The following JPT2 variants were observed in gnomAD, a reference collection of about 807,000 sequenced individuals.
JPT2 encodes the protein Jupiter microtubule associated homolog 2.
In JPT2, 9 loss-of-function variants were observed where a neutral mutation model predicts 15.9. The observed-to-expected ratio is 0.57, with a 90% CI of 0.34 to 0.99. The LOEUF (loss-of-function observed/expected upper bound fraction) is 0.99. Ranked by LOEUF, JPT2 falls within the 50% of genes least tolerant of loss-of-function variation. JPT2 has a pLI of 0.02. For missense variants in JPT2, 267 were observed against 252.1 expected, an observed-to-expected ratio of 1.06 and a Z score of -0.40; for synonymous variants, 95 against 91.7, an observed-to-expected ratio of 1.04 and a Z score of -0.21.
chr16:1,682,172 T>G (rs1203671899), intron 1 of JPT2, among the ~76,000 whole-genome samples: 1 of 151,420 alleles, frequency 6.6e-6, no homozygotes, highest in Non-Finnish European at 1.5e-5. Context: ...GGTCAGGAGT[T>G]TGAGACCAGC....
chr16:1,682,926 C>T (rs929088095), intron 1 of JPT2, among the ~76,000 whole-genome samples: 5 of 152,146 alleles, frequency 3.3e-5, no homozygotes, highest in African/African-American at 9.7e-5. Flanking sequence ...CCTTAGCCTC[C>T]CGAATAACTG....
intron 2 of JPT2, among the ~76,000 whole-genome samples, chr16:1,691,329 T>G (rs942051081): frequency 6.6e-6 from 1 of 152,204 alleles, no homozygotes; most frequent in African/African-American, 2.4e-5. Flanking sequence ...TGCTGACATA[T>G]CTAGTCACTG....
At chr16:1,684,887 G>A (rs1170061953) in intron 1 of JPT2, among the ~76,000 whole-genome samples, 2 of 151,038 alleles carry the variant, frequency 1.3e-5, no homozygotes, top group Non-Finnish European at 2.9e-5. Flanking sequence ...CTCCAGCCTG[G>A]GCGACAGAGC....
Position 1,699,103 on chromosome 16 carries a change from T to A in JPT2, c.*105T>A, listed in dbSNP as rs1198237307. On this transcript the variant is annotated 3_prime_UTR_variant, in exon 5 of 5. Coordinates refer to ENST00000248098, the MANE Select transcript of JPT2 (RefSeq NM_144570.3). ...ATGAGCGGGGTGGGAAGAGGGTTAG[T>A]CTTATGTGAGCCTGGCTGCTCAGCG... The A allele has an allele frequency of 8.2e-7, 1 of 1,214,976 alleles. No homozygotes were observed. Among genetic ancestry groups the A allele is most frequent in the Non-Finnish European group, 1.2e-6 (1 of 834,330 alleles). 75.3% of individuals were successfully genotyped at this position (1,214,976 alleles called of 1,614,324 possible). A position where few individuals can be genotyped will look rare whatever the true frequency, so the allele number is the denominator to read the frequency against.
chr16:1,702,463 G>A (rs374860937), downstream of JPT2, among the ~76,000 whole-genome samples: 4 of 152,250 alleles, frequency 2.6e-5, no homozygotes, highest in East Asian at 3.8e-4. Context: ...CTAGAAGGAC[G>A]CGGGTGCCAC....
chr16:1,691,698 C>A, intron 2 of JPT2, 145 bp from the exon 3 acceptor site: 1 of 930,926 alleles, frequency 1.1e-6, no homozygotes, highest in Non-Finnish European at 1.6e-6. Context: ...GGGTTTCAGT[C>A]TGAGCATCCT....
chr16:1,684,177 G>A (rs2037046406), intron 1 of JPT2, among the ~76,000 whole-genome samples: 1 of 152,182 alleles, frequency 6.6e-6, no homozygotes, highest in African/African-American at 2.4e-5. Flanking sequence ...TTGAATCCAT[G>A]GAAGCAGAGC....
At chr16:1,702,462 C>T (rs373353948), downstream of JPT2, among the ~76,000 whole-genome samples, 11 of 152,250 alleles carry the variant, frequency 7.2e-5, no homozygotes, top group East Asian at 1.9e-4. Flanking sequence ...TCTAGAAGGA[C>T]GCGGGTGCCA....
At chr16:1,692,210 C>A in intron 3 of JPT2, 1 of 601,022 alleles carries the variant, frequency 1.7e-6, no homozygotes. Context: ...CTCTTCTGTG[C>A]TGGTGGCGGA....
chr16:1,697,831 AAGG>A lies in JPT2; in HGVS notation c.359_361del (p.Gly120del). 1.2e-6 allele frequency: 2 copies of A among 1,613,960 alleles called. No homozygotes were observed. The highest frequency in any genetic ancestry group is 1.1e-5 in the South Asian group (1 of 91,044). The stretch of plus-strand genomic sequence containing the variant: ...TTGCAGGATCATGTTTTCTTATGTG[AAGG>A]AGAAGAACCAAAATCGGATCTTAAA... On this transcript the variant is annotated inframe_deletion, in exon 4 of 5. Transcript: ENST00000248098.
In JPT2 at chr16:1,700,877, AAAGCTCTTT is replaced by A. The variant is rs1384040453; in HGVS notation, c.*1881_*1889del. 2.0e-5 allele frequency: 3 copies of A among 152,248 alleles called. No individual in the cohort carries two copies. The highest frequency in any genetic ancestry group is 2.0e-4 in the Admixed American group (3 of 15,278). The allele number at this position is 152,248 out of a possible 1,614,324, so 9.4% of individuals were successfully genotyped here. A position where few individuals can be genotyped will look rare whatever the true frequency, so the allele number is the denominator to read the frequency against. On this transcript the variant is annotated 3_prime_UTR_variant, in exon 5 of 5. Coordinates refer to ENST00000248098, the MANE Select transcript of JPT2 (RefSeq NM_144570.3). ...CCTTGCAGTCCGCTAGGTGAGAGGAAAAGCTCTTTACTTCCGCCCCTGGCAGGGACTTCT... is the reference window on the plus strand; with the variant it reads ...CCTTGCAGTCCGCTAGGTGAGAGGAAACTTCCGCCCCTGGCAGGGACTTCT...
At chr16:1,681,637 C>T (rs17648877) in intron 1 of JPT2, among the ~76,000 whole-genome samples, 2,104 of 152,276 alleles carry the variant, frequency 0.014, 29 homozygotes, top group South Asian at 0.039. Context: ...ACTGAAACCA[C>T]CTGTGCAGAG....
At chr16:1,697,402 A>G (rs1475504108) in intron 3 of JPT2, among the ~76,000 whole-genome samples, 3 of 151,648 alleles carry the variant, frequency 2.0e-5, no homozygotes, top group Non-Finnish European at 4.4e-5. Context: ...AGTCCCCACT[A>G]CTCGGGAGGC....
chr16:1,696,387 G>C lies in JPT2; in HGVS notation c.337-1425G>C, dbSNP rs372692937. The stretch of plus-strand genomic sequence containing the variant: ...CTCTACTAAAAATACAAAAAAAGTA[G>C]CTGGGCGCCTGTACTCCCAGCTACT... On this transcript the variant is annotated intron_variant, in intron 3 of 4. Transcript: ENST00000248098. Among the ~76,000 whole-genome samples, 15 of 152,098 alleles carry C rather than the reference G, an allele frequency of 9.9e-5. No homozygotes were observed. The South Asian group carries it at 3.1e-3, about 32-fold the overall frequency.
In JPT2 at chr16:1,700,549, C is replaced by A; in HGVS notation, c.*1551C>A. 1.4e-4 allele frequency: 26 copies of A among 186,850 alleles called. No homozygotes were observed. Among genetic ancestry groups the A allele is most frequent in the East Asian group, 4.5e-4 (4 of 8,816 alleles). The allele number at this position is 186,850 out of a possible 1,614,324, so 11.6% of individuals were successfully genotyped here. On this transcript the variant is annotated 3_prime_UTR_variant, in exon 5 of 5. Transcript: ENST00000248098. ...GTGCCTGCAGGAGCCGCCTGCCAAGCTCCCCTTCCTACACCTGGCACACTG... is the reference window on the plus strand; with the variant it reads ...GTGCCTGCAGGAGCCGCCTGCCAAGATCCCCTTCCTACACCTGGCACACTG...
intron 3 of JPT2, among the ~76,000 whole-genome samples, chr16:1,697,060 A>AT (rs2037147165): frequency 6.6e-6 from 1 of 152,378 alleles, no homozygotes; most frequent in South Asian, 2.1e-4. Context: ...TCATTTGTCC[A>AT]TCAACAGATG....
Position 1,697,684 on chromosome 16 carries a change from G to T in JPT2, c.337-128G>T, listed in dbSNP as rs1021282156. On this transcript the variant is annotated intron_variant, in intron 3 of 4. Coordinates refer to ENST00000248098, the MANE Select transcript of JPT2 (RefSeq NM_144570.3). ...GAATAGTCTGTAGAGGATTGGGGGG[G>T]TCCTGAGGTCAGATATACAAGCATT... 6.6e-6 allele frequency: 5 copies of T among 760,494 alleles called. No individual in the cohort carries two copies. The South Asian group carries it at 6.7e-5, about 10-fold the overall frequency. 47.1% of individuals were successfully genotyped at this position (760,494 alleles called of 1,614,324 possible).
At position 1,699,322 on chromosome 16, in the gene JPT2, T is replaced by C. The variant is rs775673466; in HGVS notation, c.*324T>C. On this transcript the variant is annotated 3_prime_UTR_variant, in exon 5 of 5. Transcript: ENST00000248098. ...TTGGATCAACAGCCCGCCAGCTGAT[T>C]GGATGTCTAGGAATGACTGAAAGAA... The C allele has an allele frequency of 9.3e-6, 5 of 537,450 alleles. No homozygotes were observed. The East Asian group carries it at 2.3e-4, about 25-fold the overall frequency. 33.3% of individuals were successfully genotyped at this position (537,450 alleles called of 1,614,324 possible). A position where few individuals can be genotyped will look rare whatever the true frequency, so the allele number is the denominator to read the frequency against.
chr16:1,694,210 AGTGGC>A (rs2037124842), intron 3 of JPT2, among the ~76,000 whole-genome samples: 3 of 152,258 alleles, frequency 2.0e-5, no homozygotes, highest in Admixed American at 2.0e-4. Flanking sequence ...AATGTTCATC[AGTGGC>A]CGTTAACATC....
Sources: gnomAD v4.1 joint callset for allele counts (sites outside exome capture counted in the v4.1 genomes callset) on GRCh38, gnomAD v4.1.1 for gene constraint, MANE v1.5 for transcripts, NCBI Gene and HGNC (gene_info 2026-07-23, HGNC 2026-07-21) for gene names.